The following NADK2 variants were observed in gnomAD, a reference collection of about 807,000 sequenced individuals.
NADK2 encodes the protein NAD kinase 2, mitochondrial.
A neutral mutation model predicts 62.1 loss-of-function variants in NADK2; 35 were observed. The ratio of observed to expected loss-of-function variants is 0.56; its 90% CI spans 0.43 to 0.75. The LOEUF is 0.75. NADK2 is among the 30% of genes least tolerant of loss of function. The pLI is 0.00. For synonymous variants in NADK2, 205 were observed against 207.9 expected (o/e 0.99, Z 0.12); for missense variants, 439 against 561.3 (o/e 0.78, Z 2.20).
chr5:36,209,623 C>G lies in NADK2; in HGVS notation c.860+2221G>C, dbSNP rs1746765296. On this transcript the variant is annotated intron_variant, in intron 7 of 11. Coordinates refer to ENST00000381937, the MANE Select transcript of NADK2 (RefSeq NM_001085411.3). ...AGTTAAATTTTCTTTCTTCTCTCAACTACCACATAGTATCTATAATTCATG... is the reference window on the plus strand; with the variant it reads ...AGTTAAATTTTCTTTCTTCTCTCAAGTACCACATAGTATCTATAATTCATG... Among the ~76,000 whole-genome samples the G allele has an allele frequency of 2.6e-5, 4 of 152,200 alleles. No homozygotes were observed. In the South Asian group the frequency reaches 8.3e-4, roughly 32 times the overall value.
intron 6 of NADK2, among the ~76,000 whole-genome samples, chr5:36,213,355 A>T (rs1746919624): frequency 6.6e-6 from 1 of 152,120 alleles, no homozygotes; most frequent in Admixed American, 6.6e-5. Context: ...TGTCACCAAG[A>T]CAACATTGAT....
chr5:36,220,337 T>C (rs1273079453), intron 4 of NADK2, among the ~76,000 whole-genome samples: 1 of 152,152 alleles, frequency 6.6e-6, no homozygotes, highest in Admixed American at 6.5e-5. Context: ...CCATTGCAAA[T>C]TATAAGGTGG....
At chr5:36,199,612 A>G (rs1296374858) in intron 10 of NADK2, among the ~76,000 whole-genome samples, 3 of 152,092 alleles carry the variant, frequency 2.0e-5, no homozygotes, top group African/African-American at 7.2e-5. Context: ...AACAGAATTT[A>G]AAGAATACAT....
chr5:36,231,190 G>T (rs1362504060), intron 1 of NADK2, among the ~76,000 whole-genome samples: 2 of 152,174 alleles, frequency 1.3e-5, no homozygotes, highest in Non-Finnish European at 2.9e-5. Flanking sequence ...GATACATGGC[G>T]TTGACTGTTA....
At chr5:36,225,448 G>A (rs1747445330) in intron 4 of NADK2, 94 bp downstream of exon 4, 1 of 891,698 alleles carries the variant, frequency 1.1e-6, no homozygotes, top group Non-Finnish European at 1.8e-6. Flanking sequence ...AAGATACTAT[G>A]CAATCAAAGC....
Position 36,207,652 on chromosome 5 carries a change from T to C in NADK2, c.861-387A>G, listed in dbSNP as rs141214149. Among the ~76,000 whole-genome samples the C allele has an allele frequency of 6.8e-3, 1,032 of 152,252 alleles. 4 individuals carry two copies. Among genetic ancestry groups the C allele is most frequent in the Non-Finnish European group, 0.011 (758 of 67,990 alleles). On this transcript the variant is annotated intron_variant, in intron 7 of 11. Coordinates refer to ENST00000381937, the MANE Select transcript of NADK2 (RefSeq NM_001085411.3). Reference sequence around the variant, plus strand: ...TTAAGTGAGTTTCATTCTTGGTAGCTAGTCCTTGATATATTTTAAAGCTGA... The same window carrying C: ...TTAAGTGAGTTTCATTCTTGGTAGCCAGTCCTTGATATATTTTAAAGCTGA...
intron 4 of NADK2, 25 bp from the exon 5 acceptor site, chr5:36,219,704 G>T: frequency 1.3e-6 from 2 of 1,586,918 alleles, no homozygotes; most frequent in Non-Finnish European, 1.7e-6. Context: ...GAATTTTTTG[G>T]TGATATAAAG....
chr5:36,235,379 G>A (rs1273564709), intron 1 of NADK2, among the ~76,000 whole-genome samples: 1 of 152,006 alleles, frequency 6.6e-6, no homozygotes, highest in Non-Finnish European at 1.5e-5. Context: ...TGGCTAAACT[G>A]GAATTAGATT....
chr5:36,194,999 ACAG>A lies in NADK2; in HGVS notation c.*142_*144del, dbSNP rs1262293475. On this transcript the variant is annotated 3_prime_UTR_variant, in exon 12 of 12. Transcript: ENST00000381937. ...ATGTCTTTTTTTCTATCAGAATCCA[ACAG>A]AAGAATAATGCAAATCTCACTTCTG... is the stretch of plus-strand genomic sequence containing the variant. 1 of 762,134 alleles carries A rather than the reference ACAG, an allele frequency of 1.3e-6. No individual in the cohort carries two copies. The highest frequency in any genetic ancestry group is 3.0e-5 in the East Asian group (1 of 33,870). The allele number at this position is 762,134 out of a possible 1,614,324, so 47.2% of individuals were successfully genotyped here.
chr5:36,208,567 A>C, intron 7 of NADK2: 1 of 1,171,242 alleles, frequency 8.5e-7, no homozygotes, highest in Non-Finnish European at 1.2e-6. Context: ...AAGATTAGTC[A>C]GTTCATAGAA....
chr5:36,203,472 C>CAA (rs1271547476), intron 8 of NADK2, among the ~76,000 whole-genome samples: 1 of 152,026 alleles, frequency 6.6e-6, no homozygotes, highest in Non-Finnish European at 1.5e-5. Context: ...TAGATGCAAG[C>CAA]AAGCTGCATG....
rs1746181564 is a variant in NADK2, at chr5:36,195,168, A to C, written c.1305T>G (p.Leu435=). The C allele has an allele frequency of 3.1e-6, 5 of 1,612,490 alleles. No individual in the cohort carries two copies. Among genetic ancestry groups the C allele is most frequent in the South Asian group, 2.2e-5 (2 of 90,650 alleles). ...TTCACTGTTCAAGAAGCACAGTTCG[A>C]AGCTCATCTTCTTTATTGATCATCA... ...ASMMINKEDE[L]RTVLLEQ Residue 435 remains leucine, a synonymous_variant, in exon 12 of 12, where the codon CTT becomes CTG. Coordinates refer to ENST00000381937, the MANE Select transcript of NADK2 (RefSeq NM_001085411.3).
chr5:36,201,175 T>G lies in NADK2; in HGVS notation c.957-14A>C. ...ATATTGAATGACCTAGAAACAAAAA[T>G]CACATAATTCTTAGTTTTAATTCTA... On this transcript the variant is annotated splice_polypyrimidine_tract_variant and intron_variant, in intron 8 of 11. Coordinates refer to ENST00000381937, the MANE Select transcript of NADK2 (RefSeq NM_001085411.3). 6.2e-7 allele frequency: 1 copy of G among 1,604,464 alleles called. No homozygotes were observed. The highest frequency in any genetic ancestry group is 8.5e-7 in the Non-Finnish European group (1 of 1,172,892).
At chr5:36,204,410 T>C in intron 8 of NADK2, among the ~76,000 whole-genome samples, 1 of 152,154 alleles carries the variant, frequency 6.6e-6, no homozygotes, top group East Asian at 1.9e-4. Flanking sequence ...CTATTTTTTA[T>C]GGTAAGAATA....
At chr5:36,209,870 T>C (rs528142886) in intron 7 of NADK2, among the ~76,000 whole-genome samples, 1 of 152,304 alleles carries the variant, frequency 6.6e-6, no homozygotes, top group South Asian at 2.1e-4. Flanking sequence ...GGTATTTTTG[T>C]TAAATATTAC....
intron 7 of NADK2, among the ~76,000 whole-genome samples, chr5:36,208,251 G>C (rs909549991): frequency 6.6e-6 from 1 of 151,912 alleles, no homozygotes; most frequent in African/African-American, 2.4e-5. Flanking sequence ...TTTCTCTATA[G>C]TCAGAATTTC....
intron 8 of NADK2, among the ~76,000 whole-genome samples, chr5:36,202,833 T>C (rs962839357): frequency 6.6e-6 from 1 of 152,076 alleles, no homozygotes; most frequent in Non-Finnish European, 1.5e-5. Flanking sequence ...AGGAAGCCAC[T>C]TGCCAATCAG....
rs754656023 is a variant in NADK2 at position 36,200,288 on chromosome 5, AAAAGG to A, written c.1013-13_1013-9del. On this transcript the variant is annotated splice_polypyrimidine_tract_variant and intron_variant, in intron 9 of 11. Transcript: ENST00000381937. ...AATTTCCTTGTCGTTTTGCTGTTGA[AAAAGG>A]AAAGGGGGAAAATGTATGTTATAAA... 4 of 1,577,542 alleles carry A rather than the reference AAAAGG, an allele frequency of 2.5e-6. No individual in the cohort carries two copies. The highest frequency in any genetic ancestry group is 1.7e-4 in the Middle Eastern group (1 of 5,904).
chr5:36,229,705 A>G lies in NADK2; in HGVS notation c.301-2140T>C, dbSNP rs113933380. 1.6e-3 allele frequency among the ~76,000 whole-genome samples: 249 copies of G among 151,568 alleles called. 1 individual carries two copies. Among genetic ancestry groups the G allele is most frequent in the African/African-American group, 5.0e-3 (207 of 41,402 alleles). On this transcript the variant is annotated intron_variant, in intron 1 of 11. Coordinates refer to ENST00000381937, the MANE Select transcript of NADK2 (RefSeq NM_001085411.3). The stretch of plus-strand genomic sequence containing the variant: ...AACCCGGCCTATCTTTAGAGCCTCA[A>G]ATACATTTATTCAACTGCTTATTTG...
Sources: gnomAD v4.1 joint callset for allele counts (sites outside exome capture counted in the v4.1 genomes callset) on GRCh38, gnomAD v4.1.1 for gene constraint, MANE v1.5 for transcripts, NCBI Gene and HGNC (gene_info 2026-07-23, HGNC 2026-07-21) for gene names.